The following TMEM65 variants were observed in gnomAD, a reference collection of about 807,000 sequenced individuals.
TMEM65 encodes transmembrane protein 65.
TMEM65 carries 22 observed loss-of-function variants against 25.4 expected under a neutral mutation model. The ratio of observed to expected loss-of-function variants is 0.86; its 90% confidence interval spans 0.62 to 1.23. TMEM65 has a LOEUF of 1.23. TMEM65 is among the 50% of genes most tolerant of loss of function. The probability of loss-of-function intolerance (pLI) is 0.00; values close to 1 mark genes in which losing one functional copy is unlikely to be tolerated. For missense variants in TMEM65, 262 were observed against 308.2 expected, an observed-to-expected ratio of 0.85 and a Z score of 1.12; for synonymous variants, 132 against 126.2, an observed-to-expected ratio of 1.05 and a Z score of -0.31.
intron 2 of TMEM65, among the ~76,000 whole-genome samples, chr8:124,328,783 A>G (rs547802375): frequency 2.2e-4 from 33 of 152,274 alleles, no homozygotes; most frequent in African/African-American, 7.5e-4. Flanking sequence ...TGTGTCTATT[A>G]ATTTTTAGAG....
rs553352157 is a variant in TMEM65, at chr8:124,329,115, C to T, written c.349+1633G>A. Among the ~76,000 whole-genome samples the T allele has an allele frequency of 2.6e-3, 377 of 143,860 alleles. 1 individual carries two copies. The highest frequency in any genetic ancestry group is 8.3e-3 in the African/African-American group (322 of 38,700). The allele number at this position is 143,860 out of a possible 152,430, so 94.4% of individuals were successfully genotyped here. On this transcript the variant is annotated intron_variant, in intron 2 of 6. Coordinates refer to ENST00000297632, the MANE Select transcript of TMEM65 (RefSeq NM_194291.3). Reference sequence around the variant, plus strand: ...TAAAAATGTCCAAGATCAAGGACAACATTTTTAATTACAAAGAATATTATT... The same window carrying T: ...TAAAAATGTCCAAGATCAAGGACAATATTTTTAATTACAAAGAATATTATT...
At chr8:124,340,167 A>G (rs949905822) in intron 1 of TMEM65, among the ~76,000 whole-genome samples, 2 of 152,184 alleles carry the variant, frequency 1.3e-5, no homozygotes, top group East Asian at 3.8e-4. Flanking sequence ...GGCCAGAAAA[A>G]CAATTTGGAT....
intron 1 of TMEM65, among the ~76,000 whole-genome samples, chr8:124,350,119 AGTGTGTGTGTGTGT>A (rs71866914): frequency 0.013 from 1,857 of 148,228 alleles, 42 homozygotes; most frequent in African/African-American, 0.044. Context: ...CTAATACATC[AGTGTGTGTGTGTGT>A]GTGTGTGTGT....
chr8:124,367,128 T>C (rs879095642), intron 1 of TMEM65, among the ~76,000 whole-genome samples: 1 of 152,236 alleles, frequency 6.6e-6, no homozygotes, highest in Admixed American at 6.5e-5. Flanking sequence ...CTTTTTCTTA[T>C]TGGACAAAAG....
Position 124,323,340 on chromosome 8 carries a change from C to A in TMEM65, c.453G>T (p.Leu151Phe). 1 of 1,494,978 alleles carries A rather than the reference C, an allele frequency of 6.7e-7. No homozygotes were observed. The highest frequency in any genetic ancestry group is 1.2e-5 in the South Asian group (1 of 81,404). 92.6% of individuals were successfully genotyped at this position (1,494,978 alleles called of 1,614,324 possible). ...THIEMSIGIILGISTMAAAAL... is the reference protein window; with the variant it reads ...THIEMSIGIIFGISTMAAAAL... ...AAATACCTGCCATAGTTGAAATTCC[C>A]AAAATAATTCCAATAGACATTTCAA... Residue 151 changes from leucine (L) to phenylalanine (F), a missense_variant, in exon 4 of 7, where the codon TTG (leucine) becomes TTT (phenylalanine). By Grantham distance (22) the Leu-to-Phe change is conservative. Transcript: ENST00000297632.
At chr8:124,335,128 A>T (rs1814489666) in intron 1 of TMEM65, among the ~76,000 whole-genome samples, 1 of 152,194 alleles carries the variant, frequency 6.6e-6, no homozygotes, top group African/African-American at 2.4e-5. Flanking sequence ...TAGTGGAATA[A>T]ACATGAAGGA....
chr8:124,314,630 A>G (rs1814210744), intron 6 of TMEM65, among the ~76,000 whole-genome samples: 3 of 152,004 alleles, frequency 2.0e-5, no homozygotes, highest in Admixed American at 2.0e-4. Flanking sequence ...TTTCATTTTT[A>G]TTTATTTTAT....
intron 2 of TMEM65, among the ~76,000 whole-genome samples, chr8:124,327,671 A>AACACACACACACAC (rs71289656): frequency 6.7e-6 from 1 of 148,612 alleles, no homozygotes; most frequent in Admixed American, 6.7e-5. Flanking sequence ...TCTTACTGGT[A>AACACACACACACAC]ACACACACAC....
intron 1 of TMEM65, among the ~76,000 whole-genome samples, chr8:124,367,077 T>C (rs1814948152): frequency 6.6e-6 from 1 of 152,250 alleles, no homozygotes; most frequent in South Asian, 2.1e-4. Flanking sequence ...AATATCTTTA[T>C]TCACGTATCT....
chr8:124,344,276 T>C (rs1026983586), intron 1 of TMEM65, among the ~76,000 whole-genome samples: 1 of 152,214 alleles, frequency 6.6e-6, no homozygotes, highest in Admixed American at 6.5e-5. Flanking sequence ...ACCTCTTAAT[T>C]TGCACTATAA....
Position 124,309,842 on chromosome 8 carries a change from G to C in TMEM65, c.*4118C>G, listed in dbSNP as rs1814134070. The C allele has an allele frequency of 6.6e-6, 1 of 152,278 alleles. No individual in the cohort carries two copies. Among genetic ancestry groups the C allele is most frequent in the African/African-American group, 2.4e-5 (1 of 41,456 alleles). The allele number at this position is 152,278 out of a possible 1,614,324, so 9.4% of individuals were successfully genotyped here. ...GAGACAGGTGGACCACCTGAGGTCA[G>C]GAGTCTGAGGCCAGCCTGGCCAACA... On this transcript the variant is annotated 3_prime_UTR_variant, in exon 7 of 7. Transcript: ENST00000297632.
At chr8:124,318,381 T>TTTTG (rs1814265467) in intron 6 of TMEM65, among the ~76,000 whole-genome samples, 1 of 129,370 alleles carries the variant, frequency 7.7e-6, no homozygotes, top group Non-Finnish European at 1.6e-5. Context: ...TTTTTTTTTT[T>TTTTG]TTTTTTTTTT....
At chr8:124,325,799 A>G (rs539685521) in intron 3 of TMEM65, among the ~76,000 whole-genome samples, 1 of 152,172 alleles carries the variant, frequency 6.6e-6, no homozygotes, top group African/African-American at 2.4e-5. Flanking sequence ...GCTGATCCCC[A>G]TCAATCTGGA....
chr8:124,371,304 G>A (rs553502899), intron 1 of TMEM65, among the ~76,000 whole-genome samples: 1 of 151,922 alleles, frequency 6.6e-6, no homozygotes, highest in African/African-American at 2.4e-5. Flanking sequence ...AATCAGACAT[G>A]TGTGGAAACA....
At chr8:124,351,166 A>T (rs368814314) in intron 1 of TMEM65, 9 of 925,348 alleles carry the variant, frequency 9.7e-6, no homozygotes, top group Non-Finnish European at 1.2e-5. Context: ...CAAAATAAAT[A>T]ATATATATAT....
rs1301736757 is a variant in TMEM65 at position 124,306,202 on chromosome 8, C to A, written c.*7758G>T. On this transcript the variant is annotated 3_prime_UTR_variant, in exon 7 of 7. Coordinates refer to ENST00000297632, the MANE Select transcript of TMEM65 (RefSeq NM_194291.3). Reference sequence around the variant, plus strand: ...ATAACCATTAGCTCCATTAACCCAACACAAGTTTATTTACTAAGTCAAGTC... The same window carrying A: ...ATAACCATTAGCTCCATTAACCCAAAACAAGTTTATTTACTAAGTCAAGTC... 2 of 152,202 alleles carry A rather than the reference C, an allele frequency of 1.3e-5. No homozygotes were observed. Among genetic ancestry groups the A allele is most frequent in the Non-Finnish European group, 2.9e-5 (2 of 68,030 alleles). The allele number at this position is 152,202 out of a possible 1,614,324, so 9.4% of individuals were successfully genotyped here. A position where few individuals can be genotyped will look rare whatever the true frequency, so the allele number is the denominator to read the frequency against.
chr8:124,343,923 T>A (rs1295461028), intron 1 of TMEM65, among the ~76,000 whole-genome samples: 1 of 152,202 alleles, frequency 6.6e-6, no homozygotes, highest in Admixed American at 6.5e-5. Context: ...AGAAATTGTA[T>A]AAGAAAACCA....
chr8:124,317,914 T>C (rs1018574508), intron 6 of TMEM65, among the ~76,000 whole-genome samples: 1 of 152,178 alleles, frequency 6.6e-6, no homozygotes, highest in African/African-American at 2.4e-5. Context: ...GTCCAATCTT[T>C]TGGCTTCCCT....
At chr8:124,317,694 T>A (rs983555651) in intron 6 of TMEM65, among the ~76,000 whole-genome samples, 28 of 152,230 alleles carry the variant, frequency 1.8e-4, no homozygotes, top group African/African-American at 6.8e-4. Flanking sequence ...ATAGGTAGGA[T>A]GCTCTAACTT....
Sources: gnomAD v4.1 joint callset for allele counts (sites outside exome capture counted in the v4.1 genomes callset) on GRCh38, gnomAD v4.1.1 for gene constraint, MANE v1.5 for transcripts, NCBI Gene and HGNC (gene_info 2026-07-23, HGNC 2026-07-21) for gene names.